The following SEMA3D variants were observed in gnomAD, a reference collection of about 807,000 sequenced individuals.
The protein encoded by SEMA3D is semaphorin-3D.
SEMA3D carries 84 observed loss-of-function variants against 100.1 expected under a neutral mutation model. The ratio of observed to expected loss-of-function variants is 0.84; its 90% CI spans 0.70 to 1.01. SEMA3D has a LOEUF of 1.01. Among genes scored for constraint, SEMA3D ranks in the 50% least tolerant of loss-of-function variants. The pLI is 0.00. For synonymous variants in SEMA3D, 312 were observed against 320.7 expected (o/e 0.97, Z 0.29); for missense variants, 875 against 934.1 (o/e 0.94, Z 0.82).
At position 85,143,726 on chromosome 7, in the gene SEMA3D, AT is replaced by A. The variant is rs5885452; in HGVS notation, c.-41+9881del. On this transcript the variant is annotated intron_variant, in intron 2 of 18. Coordinates refer to ENST00000284136, the MANE Select transcript of SEMA3D (RefSeq NM_001384900.1). ...GTAAAAATATAATATGAGACATGTAATTTTTTTTTTTTTGAGATGGAGTCTT... is the reference window on the plus strand; with the variant it reads ...GTAAAAATATAATATGAGACATGTAATTTTTTTTTTTTGAGATGGAGTCTT... Among the ~76,000 whole-genome samples, 377 of 147,054 alleles carry A rather than the reference AT, an allele frequency of 2.6e-3. 3 individuals carry two copies. Among genetic ancestry groups the A allele is most frequent in the African/African-American group, 8.0e-3 (318 of 39,944 alleles).
intron 18 of SEMA3D, 135 bp downstream of exon 18, chr7:85,006,667 G>C (rs1789804076): frequency 1.7e-6 from 1 of 589,194 alleles, no homozygotes; most frequent in Non-Finnish European, 2.7e-6. Context: ...TGTTACCTTT[G>C]GTGTTAGTGA....
chr7:85,137,836 T>C (rs1414703259), intron 2 of SEMA3D, among the ~76,000 whole-genome samples: 2 of 152,124 alleles, frequency 1.3e-5, no homozygotes, highest in East Asian at 3.8e-4. Context: ...CTAAATTATA[T>C]TCATTTCCTT....
chr7:85,241,639 G>T, the SEMA3D span, among the ~76,000 whole-genome samples: 66 of 151,226 alleles, frequency 4.4e-4, no homozygotes, highest in African/African-American at 1.5e-3. Flanking sequence ...TAAGCTATGA[G>T]GATGATACGA....
intron 5 of SEMA3D, among the ~76,000 whole-genome samples, chr7:85,079,797 C>A (rs1164839019): frequency 1.3e-5 from 2 of 152,168 alleles, no homozygotes; most frequent in Non-Finnish European, 2.9e-5. Context: ...AATGTTCATG[C>A]TGGTTATGCC....
At chr7:85,136,972 A>G (rs1789883985) in intron 2 of SEMA3D, among the ~76,000 whole-genome samples, 1 of 152,100 alleles carries the variant, frequency 6.6e-6, no homozygotes, top group Non-Finnish European at 1.5e-5. Context: ...TAGTATGTTG[A>G]TATGTCATCA....
chr7:85,219,841 T>C, the SEMA3D span, among the ~76,000 whole-genome samples: 1 of 152,026 alleles, frequency 6.6e-6, no homozygotes, highest in Non-Finnish European at 1.5e-5. Flanking sequence ...GAAAAATCAA[T>C]AAAAAGTTAT....
chr7:85,157,240 T>A (rs1790626392), intron 1 of SEMA3D, among the ~76,000 whole-genome samples: 1 of 152,186 alleles, frequency 6.6e-6, no homozygotes, highest in Admixed American at 6.6e-5. Context: ...TGGCAGTTAA[T>A]AAATAAATTA....
At chr7:85,126,703 T>C (rs1332394819) in intron 2 of SEMA3D, among the ~76,000 whole-genome samples, 1 of 152,020 alleles carries the variant, frequency 6.6e-6, no homozygotes, top group East Asian at 1.9e-4. Flanking sequence ...ATTGGTAACA[T>C]TACTTCCTGG....
intron 1 of SEMA3D, among the ~76,000 whole-genome samples, chr7:85,177,080 G>A (rs770455841): frequency 1.8e-4 from 27 of 152,004 alleles, no homozygotes; most frequent in African/African-American, 3.4e-4. Context: ...ATTCTATGAT[G>A]TTTGCACAAT....
In SEMA3D at chr7:85,121,729, G is replaced by A; in HGVS notation, c.151+12C>T. 1.4e-6 allele frequency: 2 copies of A among 1,397,682 alleles called. No homozygotes were observed. Among genetic ancestry groups the A allele is most frequent in the Non-Finnish European group, 9.8e-7 (1 of 1,020,060 alleles). The allele number at this position is 1,397,682 out of a possible 1,614,324, so 86.6% of individuals were successfully genotyped here. The stretch of plus-strand genomic sequence containing the variant: ...TCTTAATAAACAATTTAGAAAATAT[G>A]TATATATTTACCTTTGTAGGTTAGC... On this transcript the variant is annotated intron_variant, in intron 3 of 18. Transcript: ENST00000284136.
chr7:85,017,031 C>T (rs1403169577), intron 15 of SEMA3D, among the ~76,000 whole-genome samples: 3 of 151,664 alleles, frequency 2.0e-5, no homozygotes, highest in African/African-American at 7.3e-5. Flanking sequence ...TCATTTCTAG[C>T]CTTCCTGCCC....
chr7:85,215,120 T>C, the SEMA3D span, among the ~76,000 whole-genome samples: 1 of 146,328 alleles, frequency 6.8e-6, no homozygotes, highest in Admixed American at 6.7e-5. Context: ...TTTCTTTCTT[T>C]TTTTTTTTTT....
intron 2 of SEMA3D, chr7:85,142,722 T>C (rs1489380624): frequency 1.0e-6 from 1 of 984,298 alleles, no homozygotes; most frequent in Non-Finnish European, 1.2e-6. Flanking sequence ...CAATGTTTTC[T>C]TTAATTTTAT....
At chr7:85,102,864 T>C (rs1311193820) in intron 3 of SEMA3D, among the ~76,000 whole-genome samples, 2 of 152,006 alleles carry the variant, frequency 1.3e-5, no homozygotes, top group Non-Finnish European at 2.9e-5. Context: ...TCATAACCAA[T>C]TCTATGGGGT....
At chr7:85,031,309 T>C (rs59738022) in intron 12 of SEMA3D, among the ~76,000 whole-genome samples, 1 of 151,960 alleles carries the variant, frequency 6.6e-6, no homozygotes, top group Non-Finnish European at 1.5e-5. Flanking sequence ...AACAATTTTT[T>C]AAAAAATAAC....
intron 2 of SEMA3D, chr7:85,151,834 T>A: frequency 1.6e-6 from 1 of 639,922 alleles, no homozygotes; most frequent in Non-Finnish European, 1.9e-6. Context: ...AGACTGTCTG[T>A]AAAAAAAAGT....
the SEMA3D span, among the ~76,000 whole-genome samples, chr7:85,230,706 T>G: frequency 3.9e-5 from 6 of 152,218 alleles, no homozygotes; most frequent in African/African-American, 1.4e-4. Context: ...TCTCCTCTCT[T>G]ACTTGGCTGT....
rs888648469 is a variant in SEMA3D at position 85,014,386 on chromosome 7, T to C, written c.1703+673A>G. ...CATATTGTTTCCAGTTATTTTGCTA[T>C]AAAAATAATGCTGAAATAAACATTC... On this transcript the variant is annotated intron_variant, in intron 16 of 18. Transcript: ENST00000284136. 7.9e-5 allele frequency among the ~76,000 whole-genome samples: 12 copies of C among 151,972 alleles called. No individual in the cohort carries two copies. The East Asian group carries it at 2.3e-3, about 30-fold the overall frequency.
At chr7:85,022,751 T>C (rs1451402747) in intron 12 of SEMA3D, 138 bp from the exon 13 acceptor site, 1 of 618,274 alleles carries the variant, frequency 1.6e-6, no homozygotes. Context: ...GAATCATGTG[T>C]ACTTGTAAAT....
Sources: allele counts gnomAD v4.1 joint callset (sites outside exome capture counted in the v4.1 genomes callset), GRCh38; gene constraint gnomAD v4.1.1; transcripts MANE v1.5; gene names NCBI Gene and HGNC (gene_info 2026-07-23, HGNC 2026-07-21).